Variants in SESN2 observed in about 807,000 individuals in gnomAD.
SESN2 encodes the protein sestrin 2.
A neutral mutation model predicts 56.0 loss-of-function variants in SESN2; 42 were observed. The observed-to-expected ratio is 0.75, with a 90% CI of 0.59 to 0.97. The LOEUF (loss-of-function observed/expected upper bound fraction) is 0.97. Among genes scored for constraint, SESN2 ranks in the 50% least tolerant of loss-of-function variants. The pLI is 0.00. For missense variants in SESN2, 507 were observed against 649.4 expected (o/e 0.78, Z 2.38); for synonymous variants, 264 against 267.1 (o/e 0.99, Z 0.11).
chr1:28,263,050 G>A (rs1647436474), intron 1 of SESN2, among the ~76,000 whole-genome samples: 1 of 152,046 alleles, frequency 6.6e-6, no homozygotes, highest in Admixed American at 6.6e-5. Context: ...AGGAGCTTTG[G>A]TCCCAATTAT....
chr1:28,260,622 G>A (rs890007188), intron 1 of SESN2, among the ~76,000 whole-genome samples: 7 of 152,168 alleles, frequency 4.6e-5, no homozygotes, highest in African/African-American at 9.7e-5. Flanking sequence ...GTTAGGCTGC[G>A]CCCTGCTAAG....
At position 28,275,024 on chromosome 1, in the gene SESN2, A is replaced by T; in HGVS notation, c.1211+9A>T. ...TGCGTCTTTGGCATCAGGTGAGCTC[A>T]TATCCCTTCATTTGGGGCATGTGTG... On this transcript the variant is annotated intron_variant, in intron 8 of 9. Transcript: ENST00000253063. 6.3e-7 allele frequency: 1 copy of T among 1,598,602 alleles called. No individual in the cohort carries two copies. Among genetic ancestry groups the T allele is most frequent in the Admixed American group, 1.7e-5 (1 of 59,316 alleles).
Position 28,272,646 on chromosome 1 carries a change from C to G in SESN2, c.603C>G (p.Leu201=). 1.2e-6 allele frequency: 2 copies of G among 1,614,144 alleles called. No individual in the cohort carries two copies. The highest frequency in any genetic ancestry group is 2.2e-5 in the East Asian group (1 of 44,890). Residue 201 remains leucine (L), a synonymous_variant, in exon 5 of 10, where the codon CTC becomes CTG. Coordinates refer to ENST00000253063, the MANE Select transcript of SESN2 (RefSeq NM_031459.5). ...AGCTCATTCAGGCTCTGGTCCTGCT[C>G]ACCCACTGCCACTCGCTCTCCTCCT... ...LAELIQALVL[L]THCHSLSSFV... is the part of the protein sequence containing the mutation.
intron 6 of SESN2, 79 bp from the exon 7 acceptor site, chr1:28,273,961 C>A: frequency 2.1e-6 from 2 of 951,102 alleles, no homozygotes; most frequent in Non-Finnish European, 3.4e-6. Flanking sequence ...CTTCCCCTCC[C>A]CCTTTTGGTG....
In SESN2 at chr1:28,273,339, C is replaced by A. The variant is rs1223416068; in HGVS notation, c.751-19C>A. On this transcript the variant is annotated intron_variant, in intron 5 of 9. Transcript: ENST00000253063. ...TGAAGGAGGAGGAGTAGCTGGTCAC[C>A]ACGGGGCCTCTCCTGCAGGGCTTTG... The A allele has an allele frequency of 2.6e-6, 4 of 1,559,188 alleles. No individual in the cohort carries two copies. Among genetic ancestry groups the A allele is most frequent in the Non-Finnish European group, 8.7e-7 (1 of 1,150,404 alleles).
intron 8 of SESN2, among the ~76,000 whole-genome samples, chr1:28,278,281 A>T (rs1648118768): frequency 6.6e-6 from 1 of 152,114 alleles, no homozygotes; most frequent in Non-Finnish European, 1.5e-5. Flanking sequence ...TTTAAAACCC[A>T]TTCCTGTCCA....
intron 8 of SESN2, among the ~76,000 whole-genome samples, chr1:28,275,217 A>C (rs1647988855): frequency 6.6e-6 from 1 of 152,146 alleles, no homozygotes; most frequent in Admixed American, 6.6e-5. Context: ...GCACTCCCAG[A>C]GATAATTATT....
At chr1:28,273,061 G>A (rs1347484413) in intron 5 of SESN2, among the ~76,000 whole-genome samples, 1 of 152,198 alleles carries the variant, frequency 6.6e-6, no homozygotes, top group Non-Finnish European at 1.5e-5. Flanking sequence ...GTTGGTTTTA[G>A]CACTTTAAAA....
intron 1 of SESN2, among the ~76,000 whole-genome samples, chr1:28,264,330 G>GA (rs1225656508): frequency 2.7e-5 from 4 of 150,180 alleles, no homozygotes; most frequent in East Asian, 2.0e-4. Flanking sequence ...AAGAAAAAAA[G>GA]AAAAAAAAAG....
chr1:28,276,842 G>C (rs958652527), intron 8 of SESN2, among the ~76,000 whole-genome samples: 3 of 145,152 alleles, frequency 2.1e-5, no homozygotes, highest in Non-Finnish European at 4.5e-5. Context: ...GCCTCCCAAA[G>C]TGCTGGGGTT....
chr1:28,260,030 C>A, intron 1 of SESN2, 93 bp downstream of exon 1: 1 of 955,622 alleles, frequency 1.0e-6, no homozygotes, highest in Non-Finnish European at 1.5e-6. Flanking sequence ...GTGTCCTGGG[C>A]TCGGGGAGGG....
At chr1:28,273,097 A>C (rs574532461) in intron 5 of SESN2, among the ~76,000 whole-genome samples, 132 of 152,310 alleles carry the variant, frequency 8.7e-4, no homozygotes, top group Admixed American at 1.9e-3. Flanking sequence ...TTTACTCTGT[A>C]ATGTGGCCTT....
chr1:28,278,344 G>A lies in SESN2; in HGVS notation c.1212-753G>A, dbSNP rs544257491. On this transcript the variant is annotated intron_variant, in intron 8 of 9. Transcript: ENST00000253063. ...AGCACTTTGGGAGGCTGAGGCAGGC[G>A]GATCATGAGGTCAGGAGTTCGAGAC... Among the ~76,000 whole-genome samples, 53 of 152,216 alleles carry A rather than the reference G, an allele frequency of 3.5e-4. No homozygotes were observed. The East Asian group carries it at 5.6e-3, about 16-fold the overall frequency.
At chr1:28,274,743 A>C in intron 7 of SESN2, 82 bp from the exon 8 acceptor site, 1 of 1,083,530 alleles carries the variant, frequency 9.2e-7, no homozygotes, top group Non-Finnish European at 1.4e-6. Flanking sequence ...AGAATCATGG[A>C]GATCCCAGGT....
At chr1:28,267,602 T>C (rs1307838826) in intron 1 of SESN2, among the ~76,000 whole-genome samples, 2 of 152,160 alleles carry the variant, frequency 1.3e-5, no homozygotes, top group African/African-American at 2.4e-5. Flanking sequence ...ATGGCTCTGA[T>C]TTGGGTAAAC....
At chr1:28,276,691 C>T (rs1317654942) in intron 8 of SESN2, among the ~76,000 whole-genome samples, 3 of 147,476 alleles carry the variant, frequency 2.0e-5, no homozygotes, top group African/African-American at 5.0e-5. Context: ...GGGATTCTCC[C>T]GCCTCAGCCG....
intron 3 of SESN2, 94 bp from the exon 4 acceptor site, chr1:28,272,190 G>A: frequency 7.7e-7 from 1 of 1,303,518 alleles, no homozygotes; most frequent in Non-Finnish European, 1.1e-6. Context: ...TTGGGGAACA[G>A]TGAGCCCTAC....
At position 28,272,664 on chromosome 1, in the gene SESN2, C is replaced by T; in HGVS notation, c.621C>T (p.Leu207=). The part of the protein sequence containing the change: ...ALVLLTHCHS[L]SSFVFGCGIL... The stretch of plus-strand genomic sequence containing the variant: ...TCCTGCTCACCCACTGCCACTCGCT[C>T]TCCTCCTTCGTGTTTGGCTGTGGCA... Residue 207 remains leucine (L), a synonymous_variant, in exon 5 of 10, where the codon CTC becomes CTT. Transcript: ENST00000253063. 1 of 1,614,112 alleles carries T rather than the reference C, an allele frequency of 6.2e-7. No individual in the cohort carries two copies. Among genetic ancestry groups the T allele is most frequent in the Non-Finnish European group, 8.5e-7 (1 of 1,179,980 alleles).
At chr1:28,271,323 G>A (rs1241513485) in intron 2 of SESN2, among the ~76,000 whole-genome samples, 1 of 152,208 alleles carries the variant, frequency 6.6e-6, no homozygotes, top group African/African-American at 2.4e-5. Flanking sequence ...CATGAAGGGA[G>A]GAGAAACTGT....
Sources: allele counts gnomAD v4.1 joint callset (sites outside exome capture counted in the v4.1 genomes callset), GRCh38; gene constraint gnomAD v4.1.1; transcripts MANE v1.5; gene names NCBI Gene and HGNC (gene_info 2026-07-23, HGNC 2026-07-21).